Variants in SCARB1 observed in about 807,000 individuals in gnomAD.
SCARB1 encodes the protein CD36 and LIMPII analogous 1.
A neutral mutation model predicts 57.2 loss-of-function variants in SCARB1; 30 were observed. The ratio of observed to expected loss-of-function variants is 0.52; its 90% CI spans 0.39 to 0.71. The LOEUF is 0.71. Ranked by LOEUF, SCARB1 falls within the 30% of genes least tolerant of loss-of-function variation. SCARB1 has a pLI of 0.00. For synonymous variants in SCARB1, 249 were observed against 268.3 expected, an observed-to-expected ratio of 0.93 and a Z score of 0.70; for missense variants, 543 against 671.2, an observed-to-expected ratio of 0.81 and a Z score of 2.11.
rs144358906 is a variant in SCARB1, at chr12:124,811,896, C to T, written c.700G>A (p.Val234Met). Residue 234 changes from valine (V) to methionine (M), a missense_variant, in exon 5 of 13, where the codon GTG becomes ATG. Transcript: ENST00000261693. ...TTGCTCAGCCCGTTCCACTTGTCCA[C>T]GAGGTGGATCCTGCTGATGTTCTGG... is the stretch of plus-strand genomic sequence containing the variant. ...GVQNISRIHL[V>M]DKWNGLSKVD... The T allele has an allele frequency of 8.1e-5, 131 of 1,612,882 alleles. No individual in the cohort carries two copies. Among genetic ancestry groups the T allele is most frequent in the Non-Finnish European group, 1.1e-4 (126 of 1,179,556 alleles).
intron 4 of SCARB1, among the ~76,000 whole-genome samples, chr12:124,813,218 C>T (rs1313852384): frequency 6.6e-6 from 1 of 152,150 alleles, no homozygotes; most frequent in South Asian, 2.1e-4. Context: ...TTTCTTCCTC[C>T]CTAAGAGGGA....
At chr12:124,834,925 C>T (rs1277855356) in intron 1 of SCARB1, among the ~76,000 whole-genome samples, 7 of 152,056 alleles carry the variant, frequency 4.6e-5, no homozygotes, top group East Asian at 1.9e-4. Flanking sequence ...AAAAAAAAGG[C>T]GGTCTCCAAA....
At chr12:124,836,400 C>T (rs1951650101) in intron 1 of SCARB1, among the ~76,000 whole-genome samples, 1 of 152,236 alleles carries the variant, frequency 6.6e-6, no homozygotes. Flanking sequence ...TCAGGAAGCA[C>T]AACAGTAAAC....
chr12:124,790,892 G>A (rs1594200820), intron 9 of SCARB1, among the ~76,000 whole-genome samples: 1 of 152,256 alleles, frequency 6.6e-6, no homozygotes, highest in Non-Finnish European at 1.5e-5. Context: ...TGGCGTCTGG[G>A]AGCCTGGATT....
At chr12:124,816,352 G>A (rs1372745477) in intron 2 of SCARB1, among the ~76,000 whole-genome samples, 2 of 152,220 alleles carry the variant, frequency 1.3e-5, no homozygotes, top group African/African-American at 4.8e-5. Flanking sequence ...CAGAATGAAG[G>A]AGTATAGAGA....
chr12:124,824,963 G>A (rs60914860), intron 1 of SCARB1, among the ~76,000 whole-genome samples: 6,520 of 152,194 alleles, frequency 0.043, 460 homozygotes, highest in African/African-American at 0.15. Context: ...AGTGGCTCAC[G>A]CCTGTAATCC....
rs1428286024 is a variant in SCARB1 at position 124,817,440 on chromosome 12, G to A, written c.284+110C>T. On this transcript the variant is annotated intron_variant, in intron 2 of 12. Coordinates refer to ENST00000261693, the MANE Select transcript of SCARB1 (RefSeq NM_005505.5). This position sits in a 1 kb window ranked among gnomAD's most constrained non-coding sequence, Gnocchi z 4.8. Reference sequence around the variant, plus strand: ...CCCCGACTATGACTTGCCTGCTTCCGGAACAATCTCTGGGGCTCAGTCAGC... The same window carrying A: ...CCCCGACTATGACTTGCCTGCTTCCAGAACAATCTCTGGGGCTCAGTCAGC... The A allele has an allele frequency of 1.6e-5, 18 of 1,122,024 alleles. No individual in the cohort carries two copies. The highest frequency in any genetic ancestry group is 1.4e-4 in the Admixed American group (7 of 50,876). The allele number at this position is 1,122,024 out of a possible 1,614,324, so 69.5% of individuals were successfully genotyped here.
At chr12:124,782,174 G>A (rs1278689323) in intron 12 of SCARB1, among the ~76,000 whole-genome samples, 3 of 152,176 alleles carry the variant, frequency 2.0e-5, no homozygotes, top group Non-Finnish European at 2.9e-5. Flanking sequence ...CTCCCAAAGT[G>A]CTGGATTACA....
At chr12:124,791,319 G>A (rs1295044184) in intron 9 of SCARB1, among the ~76,000 whole-genome samples, 1 of 152,178 alleles carries the variant, frequency 6.6e-6, no homozygotes, top group Non-Finnish European at 1.5e-5. Flanking sequence ...GCAAATCGTC[G>A]AGCCTGCGGT....
At position 124,817,257 on chromosome 12, in the gene SCARB1, C is replaced by G. The variant is rs141851790; in HGVS notation, c.284+293G>C. ...TCTCTAGGCAACGTCTGGTGATTCG[C>G]ACCTGTAATCCCAGCACTTTGAGAG... On this transcript the variant is annotated intron_variant, in intron 2 of 12. Coordinates refer to ENST00000261693, the MANE Select transcript of SCARB1 (RefSeq NM_005505.5). This position sits in a 1 kb window ranked among gnomAD's most constrained non-coding sequence, Gnocchi z 4.8. Among the ~76,000 whole-genome samples, 3 of 150,248 alleles carry G rather than the reference C, an allele frequency of 2.0e-5. No individual in the cohort carries two copies. The East Asian group carries it at 6.0e-4, about 30-fold the overall frequency.
rs977243297 is a variant in SCARB1 at position 124,777,916 on chromosome 12, G to A, written c.*671C>T. 6.6e-6 allele frequency: 1 copy of A among 152,438 alleles called. No individual in the cohort carries two copies. 9.4% of individuals were successfully genotyped at this position (152,438 alleles called of 1,614,324 possible). ...TTTAGGCTGGAGGAAAAGGGCGCCA[G>A]ACAACCCGATGCAGTGCCTGTGAAG... is the stretch of plus-strand genomic sequence containing the variant. On this transcript the variant is annotated 3_prime_UTR_variant, in exon 13 of 13. Transcript: ENST00000261693.
At chr12:124,788,125 T>C (rs1250905733) in intron 9 of SCARB1, among the ~76,000 whole-genome samples, 1 of 152,068 alleles carries the variant, frequency 6.6e-6, no homozygotes, top group African/African-American at 2.4e-5. Context: ...GGATAAGGGG[T>C]CCATGGTACT....
chr12:124,856,744 C>G (rs796255191), intron 1 of SCARB1, among the ~76,000 whole-genome samples: 19 of 152,322 alleles, frequency 1.2e-4, no homozygotes, highest in Middle Eastern at 3.4e-3. Context: ...GGGCCTCCCC[C>G]CCAGGTTCCG....
chr12:124,807,310 G>A lies in SCARB1; in HGVS notation c.1009+451C>T, dbSNP rs1371592686. ...GGAAGAGGGGGCAGAAGAGGGAGGA[G>A]AGGAAGAGATATGAGGACAGAGTGG... On this transcript the variant is annotated intron_variant, in intron 7 of 12. Transcript: ENST00000261693. The surrounding 1 kb of genome is among the most constrained non-coding windows in gnomAD (Gnocchi z 5.3). Among the ~76,000 whole-genome samples, 1 of 152,160 alleles carries A rather than the reference G, an allele frequency of 6.6e-6. No homozygotes were observed. The highest frequency in any genetic ancestry group is 1.5e-5 in the Non-Finnish European group (1 of 68,028).
At chr12:124,856,626 C>T (rs1952642056) in intron 1 of SCARB1, among the ~76,000 whole-genome samples, 1 of 152,254 alleles carries the variant, frequency 6.6e-6, no homozygotes, top group Non-Finnish European at 1.5e-5. Flanking sequence ...TCCAAGCTGT[C>T]CTCGAGGAGC....
Position 124,795,460 on chromosome 12 carries a change from A to C in SCARB1, c.1129-192T>G, listed in dbSNP as rs112372055. Among the ~76,000 whole-genome samples, 111 of 152,304 alleles carry C rather than the reference A, an allele frequency of 7.3e-4. 2 individuals are homozygous for C. Among genetic ancestry groups the C allele is most frequent in the African/African-American group, 2.4e-3 (98 of 41,556 alleles). ...AGTTCTAGAAATGCTGGGCAGGTGCACTGGGATCTCCTCTCCTGATTCTAA... is the reference window on the plus strand; with the variant it reads ...AGTTCTAGAAATGCTGGGCAGGTGCCCTGGGATCTCCTCTCCTGATTCTAA... On this transcript the variant is annotated intron_variant, in intron 8 of 12. Transcript: ENST00000261693.
At chr12:124,832,577 G>T (rs1239880572) in intron 1 of SCARB1, among the ~76,000 whole-genome samples, 1 of 151,526 alleles carries the variant, frequency 6.6e-6, no homozygotes, top group Non-Finnish European at 1.5e-5. Flanking sequence ...AGGCTCTGTC[G>T]CGGCAATACA....
intron 1 of SCARB1, among the ~76,000 whole-genome samples, chr12:124,831,360 G>C (rs940569509): frequency 3.9e-5 from 6 of 152,066 alleles, no homozygotes; most frequent in Non-Finnish European, 4.4e-5. Flanking sequence ...CAGGTGATCG[G>C]CCCACCTTGG....
intron 1 of SCARB1, among the ~76,000 whole-genome samples, chr12:124,845,100 C>T (rs1443989762): frequency 1.3e-5 from 2 of 152,084 alleles, no homozygotes; most frequent in Non-Finnish European, 1.5e-5. Context: ...GCAGGGCGGG[C>T]TGAAGAGCGA....
Sources: gnomAD v4.1 joint callset for allele counts (sites outside exome capture counted in the v4.1 genomes callset) on GRCh38, gnomAD v4.1.1 for gene constraint, Gnocchi (gnomAD v3.1) non-coding constraint, MANE v1.5 for transcripts, NCBI Gene and HGNC (gene_info 2026-07-23, HGNC 2026-07-21) for gene names.